Variants in GPHN observed in about 807,000 individuals in gnomAD.
GPHN encodes the protein gephyrin.
GPHN carries 17 observed loss-of-function variants against 95.5 expected under a neutral mutation model. That is an observed-to-expected ratio of 0.18 (90% CI 0.12 to 0.27). The LOEUF is 0.27. GPHN is among the 10% of genes least tolerant of loss of function. The pLI is 1.00. For synonymous variants in GPHN, 320 were observed against 322.5 expected, an observed-to-expected ratio of 0.99 and a Z score of 0.08; for missense variants, 660 against 978.1, an observed-to-expected ratio of 0.67 and a Z score of 4.34.
the GPHN span, among the ~76,000 whole-genome samples, chr14:67,603,746 T>G: frequency 6.6e-6 from 1 of 152,222 alleles, no homozygotes; most frequent in Non-Finnish European, 1.5e-5. Flanking sequence ...GGCACAATCT[T>G]GGCTCACCAC....
intron 4 of GPHN, among the ~76,000 whole-genome samples, chr14:66,837,890 G>T (rs1596087905): frequency 6.6e-6 from 1 of 152,026 alleles, no homozygotes. Flanking sequence ...GGGCCCTATG[G>T]ATACGAGAGA....
At chr14:67,260,954 C>G in the GPHN span, among the ~76,000 whole-genome samples, 2 of 152,104 alleles carry the variant, frequency 1.3e-5, no homozygotes, top group African/African-American at 4.8e-5. Context: ...CTAAGGTGTT[C>G]TGCAGAATAG....
At chr14:67,690,638 A>G in the GPHN span, 1 of 538,018 alleles carries the variant, frequency 1.9e-6, no homozygotes, top group Non-Finnish European at 3.3e-6. Context: ...ATAGGTCTAG[A>G]CTATGTGAAT....
chr14:67,695,744 G>T, the GPHN span: 1 of 1,587,990 alleles, frequency 6.3e-7, no homozygotes, highest in Non-Finnish European at 8.6e-7. Flanking sequence ...ATGCTCCAGC[G>T]TTGCTCGCCG....
chr14:67,732,566 A>G, the GPHN span, among the ~76,000 whole-genome samples: 7 of 149,992 alleles, frequency 4.7e-5, no homozygotes, highest in African/African-American at 1.5e-4. Context: ...TACAGAAAGC[A>G]ACTAAATGAT....
intron 13 of GPHN, among the ~76,000 whole-genome samples, chr14:67,109,123 T>C (rs761338629): frequency 2.6e-5 from 4 of 152,154 alleles, no homozygotes; most frequent in Non-Finnish European, 4.4e-5. Context: ...ATGGTATTTG[T>C]TTATCAAAAC....
chr14:67,590,586 T>C, the GPHN span, among the ~76,000 whole-genome samples: 1 of 152,204 alleles, frequency 6.6e-6, no homozygotes, highest in Admixed American at 6.5e-5. Flanking sequence ...CTTGAACTCC[T>C]GGCCTTAAGT....
intron 17 of GPHN, among the ~76,000 whole-genome samples, chr14:67,130,436 A>G (rs2079630518): frequency 6.6e-6 from 1 of 152,176 alleles, no homozygotes; most frequent in African/African-American, 2.4e-5. Flanking sequence ...ATGTAGCTGC[A>G]AAGGACATGA....
the GPHN span, among the ~76,000 whole-genome samples, chr14:67,267,484 C>T: frequency 6.6e-6 from 1 of 152,088 alleles, no homozygotes; most frequent in Non-Finnish European, 1.5e-5. Flanking sequence ...CTGCTGATCT[C>T]GGGTGATTCA....
intron 12 of GPHN, among the ~76,000 whole-genome samples, chr14:67,095,966 CAAAAAAA>C: frequency 1.1e-3 from 77 of 67,104 alleles, no homozygotes; most frequent in Non-Finnish European, 2.1e-3. Flanking sequence ...AAGAAAAAGG[CAAAAAAA>C]AAAAAAAAAA....
chr14:66,685,181 G>A (rs2067261787), intron 2 of GPHN, among the ~76,000 whole-genome samples: 1 of 152,134 alleles, frequency 6.6e-6, no homozygotes, highest in Non-Finnish European at 1.5e-5. Context: ...CCAAGTCTTT[G>A]CTATTGTGAA....
chr14:66,680,355 A>C (rs4294753), intron 1 of GPHN, among the ~76,000 whole-genome samples: 50,460 of 152,094 alleles, frequency 0.33, 12,360 homozygotes, highest in African/African-American at 0.67. Context: ...GTGGTAGGCT[A>C]CATCTGTTCT....
intron 11 of GPHN, among the ~76,000 whole-genome samples, chr14:67,087,473 A>G (rs1052392307): frequency 6.6e-6 from 1 of 152,102 alleles, no homozygotes; most frequent in Non-Finnish European, 1.5e-5. Context: ...TGGTCCCACC[A>G]CTTTGCTTGT....
At chr14:66,911,567 T>C (rs2065675983) in intron 5 of GPHN, among the ~76,000 whole-genome samples, 1 of 152,006 alleles carries the variant, frequency 6.6e-6, no homozygotes, top group African/African-American at 2.4e-5. Context: ...AGTCTATTGC[T>C]TCACCTAGGT....
the GPHN span, among the ~76,000 whole-genome samples, chr14:67,253,514 G>C: frequency 6.6e-6 from 1 of 152,116 alleles, no homozygotes; most frequent in Non-Finnish European, 1.5e-5. Context: ...TTTTCAGTAG[G>C]TTGTTTTCAC....
chr14:66,615,560 TG>T (rs2153301373), intron 1 of GPHN, among the ~76,000 whole-genome samples: 1 of 151,942 alleles, frequency 6.6e-6, no homozygotes, highest in African/African-American at 2.4e-5. Flanking sequence ...TACTTTTTGA[TG>T]GGGTTATTTT....
At chr14:67,080,673 T>C (rs569888149) in intron 11 of GPHN, among the ~76,000 whole-genome samples, 2 of 152,130 alleles carry the variant, frequency 1.3e-5, no homozygotes, top group South Asian at 2.1e-4. Context: ...GTAAGTTCTT[T>C]AGTGGTGATT....
At chr14:67,334,266 A>ACTGT in the GPHN span, 3 of 152,668 alleles carry the variant, frequency 2.0e-5, no homozygotes, top group East Asian at 1.9e-4. Context: ...GGATTTTCGT[A>ACTGT]CTGTCTCTAT....
the GPHN span, among the ~76,000 whole-genome samples, chr14:67,611,636 AAAC>A: frequency 5.9e-5 from 9 of 152,172 alleles, no homozygotes; most frequent in African/African-American, 1.9e-4. Flanking sequence ...TGCAAAGAAA[AAAC>A]AACCAATTGG....
Sources: allele counts gnomAD v4.1 joint callset (sites outside exome capture counted in the v4.1 genomes callset), GRCh38; gene constraint gnomAD v4.1.1; transcripts MANE v1.5; gene names NCBI Gene and HGNC (gene_info 2026-07-23, HGNC 2026-07-21).